The following CTNNA1 variants were observed in gnomAD, a reference collection of about 807,000 sequenced individuals.
CTNNA1 encodes catenin alpha 1, also known as catenin alpha-1.
A neutral mutation model predicts 98.4 loss-of-function variants in CTNNA1; 37 were observed. The ratio of observed to expected loss-of-function variants is 0.38; its 90% CI spans 0.29 to 0.49. The LOEUF (loss-of-function observed/expected upper bound fraction) is 0.49. Ranked by LOEUF, CTNNA1 falls within the 20% of genes least tolerant of loss-of-function variation. The pLI is 0.95. For synonymous variants in CTNNA1, 404 were observed against 413.2 expected (o/e 0.98, Z 0.27); for missense variants, 761 against 1,147.2 (o/e 0.66, Z 4.86).
intron 3 of CTNNA1, among the ~76,000 whole-genome samples, chr5:138,784,079 AT>A (rs1363926373): frequency 1.3e-5 from 2 of 152,176 alleles, no homozygotes; most frequent in Non-Finnish European, 2.9e-5. Context: ...TGCAGTTTTT[AT>A]TTTTAGTAGA....
chr5:138,799,918 A>G (rs1183616807), intron 3 of CTNNA1, among the ~76,000 whole-genome samples: 1 of 149,118 alleles, frequency 6.7e-6, no homozygotes, highest in Non-Finnish European at 1.5e-5. Context: ...GTATTTAGAG[A>G]CAGAGTCTTG....
Position 138,783,217 on chromosome 5 carries a change from A to C in CTNNA1, c.146A>C (p.Asn49Thr). The change falls in exon 3 of 18, where the codon AAT (asparagine) becomes ACT (threonine). Residue 49 changes from asparagine to threonine, a missense_variant. Coordinates refer to ENST00000302763, the MANE Select transcript of CTNNA1 (RefSeq NM_001903.5). The stretch of plus-strand genomic sequence containing the variant: ...AACACCAATAGTAAAGGGCCCTCTA[A>C]TAAGAAGAGAGGTCGTTCTAAGAAG... Reference protein sequence around the residue: ...LVNTNSKGPSNKKRGRSKKAH... With the variant: ...LVNTNSKGPSTKKRGRSKKAH... 6.2e-7 allele frequency: 1 copy of C among 1,613,882 alleles called. No homozygotes were observed. Among genetic ancestry groups the C allele is most frequent in the Non-Finnish European group, 8.5e-7 (1 of 1,179,798 alleles).
intron 6 of CTNNA1, among the ~76,000 whole-genome samples, chr5:138,825,482 G>GTTTTTGTTTTTTTTTTTTTT (rs1760583498): frequency 1.3e-5 from 1 of 74,114 alleles, no homozygotes; most frequent in Non-Finnish European, 2.4e-5. Context: ...AGCAGTATAA[G>GTTTTTGTTTTTTTTTTTTTT]TTTTTTTTTT....
chr5:138,926,405 G>A (rs1247118054), intron 13 of CTNNA1, among the ~76,000 whole-genome samples: 8 of 152,244 alleles, frequency 5.3e-5, no homozygotes, highest in Non-Finnish European at 1.0e-4. Flanking sequence ...CCACAGCCAC[G>A]CTGATGGAGC....
chr5:138,764,249 C>T (rs779967293), intron 1 of CTNNA1, among the ~76,000 whole-genome samples: 2 of 151,724 alleles, frequency 1.3e-5, no homozygotes, highest in Non-Finnish European at 2.9e-5. Flanking sequence ...GCCTGTAATC[C>T]CAGTTACTCG....
intron 5 of CTNNA1, among the ~76,000 whole-genome samples, chr5:138,812,990 C>T (rs1758999581): frequency 6.6e-6 from 1 of 152,204 alleles, no homozygotes; most frequent in Non-Finnish European, 1.5e-5. Context: ...TTAAAACAAG[C>T]CCCAAGAAGA....
intron 7 of CTNNA1, among the ~76,000 whole-genome samples, chr5:138,845,504 C>T (rs1048673582): frequency 5.3e-5 from 8 of 152,176 alleles, no homozygotes; most frequent in South Asian, 2.1e-4. Flanking sequence ...CTGTTTGTCA[C>T]GTAGATAGTA....
intron 7 of CTNNA1, among the ~76,000 whole-genome samples, chr5:138,838,054 C>T (rs1761956736): frequency 6.6e-6 from 1 of 152,310 alleles, no homozygotes; most frequent in Non-Finnish European, 1.5e-5. Context: ...GTGTGCACTG[C>T]CATGTCTGGC....
rs1581342959 is a variant in CTNNA1, at chr5:138,866,171, T to G, written c.1063-20041T>G. Among the ~76,000 whole-genome samples the G allele has an allele frequency of 3.9e-5, 6 of 152,086 alleles. No individual in the cohort carries two copies. In the South Asian group the frequency reaches 1.2e-3, roughly 32 times the overall value. On this transcript the variant is annotated intron_variant, in intron 7 of 17. Coordinates refer to ENST00000302763, the MANE Select transcript of CTNNA1 (RefSeq NM_001903.5). ...TACCAAAAATGCAAAAATTAGCCAG[T>G]CTCATAACCCGGTCTGGAAATAATT...
chr5:138,757,187 C>T (rs1478154028), intron 1 of CTNNA1, among the ~76,000 whole-genome samples: 1 of 151,152 alleles, frequency 6.6e-6, no homozygotes, highest in African/African-American at 2.4e-5. Context: ...CAGAGTGAGA[C>T]CCTGTCTCAA....
At chr5:138,851,189 A>C (rs1436257869) in intron 7 of CTNNA1, among the ~76,000 whole-genome samples, 1 of 152,152 alleles carries the variant, frequency 6.6e-6, no homozygotes, top group East Asian at 1.9e-4. Context: ...GGGGGCAGAG[A>C]ATGCACACTG....
intron 5 of CTNNA1, among the ~76,000 whole-genome samples, chr5:138,813,497 C>A (rs1759062242): frequency 6.6e-6 from 1 of 152,176 alleles, no homozygotes; most frequent in Admixed American, 6.5e-5. Flanking sequence ...AAACACCCGA[C>A]AAAAGGTCTG....
intron 1 of CTNNA1, among the ~76,000 whole-genome samples, chr5:138,763,231 GCTGT>G (rs1255000701): frequency 6.6e-6 from 1 of 152,122 alleles, no homozygotes; most frequent in Non-Finnish European, 1.5e-5. Flanking sequence ...AAATGAAAGT[GCTGT>G]TATAACTCAG....
rs902192959 is a variant in CTNNA1 at position 138,875,434 on chromosome 5, T to A, written c.1063-10778T>A. On this transcript the variant is annotated intron_variant, in intron 7 of 17. Coordinates refer to ENST00000302763, the MANE Select transcript of CTNNA1 (RefSeq NM_001903.5). ...GGGTTTTCCAGAAGCTTTACTGTTATAAAGCACCATGCTTTGTAACAGCAT... is the reference window on the plus strand; with the variant it reads ...GGGTTTTCCAGAAGCTTTACTGTTAAAAAGCACCATGCTTTGTAACAGCAT... 5 of 985,744 alleles carry A rather than the reference T, an allele frequency of 5.1e-6. No individual in the cohort carries two copies. In the African/African-American group the frequency reaches 7.0e-5, roughly 14 times the overall value. 61.1% of individuals were successfully genotyped at this position (985,744 alleles called of 1,614,324 possible).
chr5:138,844,728 C>T (rs989565346), intron 7 of CTNNA1, among the ~76,000 whole-genome samples: 2 of 151,962 alleles, frequency 1.3e-5, no homozygotes, highest in African/African-American at 2.4e-5. Flanking sequence ...AAAAAATTAC[C>T]TATTATTTTA....
chr5:138,840,784 C>T (rs1762206991), intron 7 of CTNNA1, among the ~76,000 whole-genome samples: 1 of 151,278 alleles, frequency 6.6e-6, no homozygotes, highest in South Asian at 2.1e-4. Flanking sequence ...TAAATAAAAA[C>T]TCATTGTGAC....
chr5:138,841,599 T>A (rs1762275410), intron 7 of CTNNA1, among the ~76,000 whole-genome samples: 1 of 147,406 alleles, frequency 6.8e-6, no homozygotes. Flanking sequence ...AACCAAAGAC[T>A]GTTGGGCACC....
At position 138,934,208 on chromosome 5, in the gene CTNNA1, A is replaced by ACTGAAC; in HGVS notation, c.*121_*126dup. On this transcript the variant is annotated 3_prime_UTR_variant, in exon 18 of 18. Transcript: ENST00000302763. The stretch of plus-strand genomic sequence containing the variant: ...CTAGATTCCACAGGGAAATGGGCAG[A>ACTGAAC]CTGAACCAGTCCAGGTGGTGAATTT... 1.4e-6 allele frequency: 1 copy of ACTGAAC among 728,894 alleles called. No individual in the cohort carries two copies. The highest frequency in any genetic ancestry group is 2.2e-6 in the Non-Finnish European group (1 of 449,814). The allele number at this position is 728,894 out of a possible 1,614,324, so 45.2% of individuals were successfully genotyped here. A position where few individuals can be genotyped will look rare whatever the true frequency, so the allele number is the denominator to read the frequency against.
intron 1 of CTNNA1, among the ~76,000 whole-genome samples, chr5:138,768,034 TATTCAG>T (rs1447064383): frequency 1.3e-5 from 2 of 152,230 alleles, no homozygotes; most frequent in Admixed American, 1.3e-4. Flanking sequence ...GTGCAGTCCA[TATTCAG>T]ATTCAGATTC....
Sources: allele counts gnomAD v4.1 joint callset (sites outside exome capture counted in the v4.1 genomes callset), GRCh38; gene constraint gnomAD v4.1.1; transcripts MANE v1.5; gene names NCBI Gene and HGNC (gene_info 2026-07-23, HGNC 2026-07-21).